Variants in VCAN observed in about 807,000 individuals in gnomAD.
VCAN encodes the protein versican, also known as versican core protein.
Under a neutral mutation model 245.5 loss-of-function variants are expected in VCAN, and 44 were observed. The observed-to-expected ratio is 0.18, with a 90% CI of 0.14 to 0.23. The LOEUF is 0.23. Ranked by LOEUF, VCAN falls within the 10% of genes least tolerant of loss-of-function variation. The probability of loss-of-function intolerance (pLI) is 1.00; values close to 1 mark genes in which losing one functional copy is unlikely to be tolerated. For missense variants in VCAN, 3,793 were observed against 4,057.9 expected, an observed-to-expected ratio of 0.93 and a Z score of 1.77; for synonymous variants, 1,413 against 1,437.0, an observed-to-expected ratio of 0.98 and a Z score of 0.38.
At chr5:83,504,969 A>G (rs1180009374) in intron 5 of VCAN, among the ~76,000 whole-genome samples, 1 of 151,952 alleles carries the variant, frequency 6.6e-6, no homozygotes, top group Non-Finnish European at 1.5e-5. Context: ...CCCCTGATAA[A>G]CCCATTAGAT....
chr5:83,491,741 A>G (rs568556939), intron 3 of VCAN, among the ~76,000 whole-genome samples: 1 of 152,314 alleles, frequency 6.6e-6, no homozygotes, highest in Non-Finnish European at 1.5e-5. Flanking sequence ...TCTTCAAATT[A>G]TTCCAGCAAC....
intron 1 of VCAN, among the ~76,000 whole-genome samples, chr5:83,480,852 G>A (rs1388595769): frequency 2.0e-5 from 3 of 152,140 alleles, no homozygotes; most frequent in African/African-American, 4.8e-5. Context: ...TTAGTGATAT[G>A]AAACTATGTT....
At chr5:83,568,070 A>C (rs1419182692) in intron 12 of VCAN, among the ~76,000 whole-genome samples, 1 of 152,222 alleles carries the variant, frequency 6.6e-6, no homozygotes, top group African/African-American at 2.4e-5. Context: ...TTCCCTGAGA[A>C]GGGATTTCTT....
chr5:83,523,742 G>C (rs1746188264), intron 7 of VCAN, among the ~76,000 whole-genome samples: 1 of 151,986 alleles, frequency 6.6e-6, no homozygotes, highest in Non-Finnish European at 1.5e-5. Flanking sequence ...TGATTTTCTT[G>C]CTAATGATAT....
chr5:83,554,779 A>C (rs1176223156), intron 11 of VCAN, among the ~76,000 whole-genome samples, 177 bp from the exon 12 acceptor site: 5 of 152,194 alleles, frequency 3.3e-5, no homozygotes, highest in Non-Finnish European at 7.3e-5. Context: ...TTTTCATTTA[A>C]AGCACATTGG....
chr5:83,505,614 C>T (rs576199826), intron 5 of VCAN, among the ~76,000 whole-genome samples: 8 of 152,300 alleles, frequency 5.3e-5, no homozygotes, highest in East Asian at 1.9e-4. Flanking sequence ...GCAGCTTTCC[C>T]GGGCACACAG....
chr5:83,555,865 G>A (rs912670978), intron 12 of VCAN, among the ~76,000 whole-genome samples: 1 of 152,112 alleles, frequency 6.6e-6, no homozygotes, highest in Admixed American at 6.6e-5. Context: ...GGGATCCACT[G>A]GGCTAGATAG....
chr5:83,537,699 A>G lies in VCAN; in HGVS notation c.4696A>G (p.Thr1566Ala), dbSNP rs1746780190. 1.2e-6 allele frequency: 2 copies of G among 1,613,864 alleles called. No individual in the cohort carries two copies. Among genetic ancestry groups the G allele is most frequent in the East Asian group, 2.2e-5 (1 of 44,874 alleles). ...TCAGAAAATAGCCTTTGCAAGGGCT[A>G]CAGAAGTAACATTTGGTGAAGAGGT... ...ESQKIAFARA[T>A]EVTFGEEVEK... The change falls in exon 8 of 15, where the codon ACA becomes GCA. Residue 1566 changes from threonine (T) to alanine (A), a missense_variant. Physicochemically the swap from Thr to Ala is moderately conservative, Grantham distance 58. This residue lies in a region of VCAN where 3,182 missense variants were observed against 3,250.3 expected (regional missense o/e 0.98). Coordinates refer to ENST00000265077, the MANE Select transcript of VCAN (RefSeq NM_004385.5).
At chr5:83,573,128 G>C (rs866261332) in intron 13 of VCAN, among the ~76,000 whole-genome samples, 1 of 151,988 alleles carries the variant, frequency 6.6e-6, no homozygotes, top group Non-Finnish European at 1.5e-5. Context: ...TCAATCTCTT[G>C]ACCTTGTAAT....
intron 12 of VCAN, among the ~76,000 whole-genome samples, chr5:83,567,227 AATT>A (rs1462045725): frequency 1.8e-4 from 28 of 152,126 alleles, no homozygotes; most frequent in Non-Finnish European, 3.1e-4. Flanking sequence ...GATATAAAAT[AATT>A]ATCTCTTAAT....
chr5:83,552,192 C>A (rs1023784940), intron 10 of VCAN, among the ~76,000 whole-genome samples: 1 of 152,120 alleles, frequency 6.6e-6, no homozygotes, highest in East Asian at 1.9e-4. Context: ...AGAGGAGTAA[C>A]AGGAATAAGA....
rs1007510729 is a variant in VCAN at position 83,541,029 on chromosome 5, G to T, written c.8026G>T (p.Ala2676Ser). The change falls in exon 8 of 15, where the codon GCT (alanine) becomes TCT (serine). Residue 2676 changes from alanine (A) to serine (S), a missense_variant. Coordinates refer to ENST00000265077, the MANE Select transcript of VCAN (RefSeq NM_004385.5). ...MGFHFTTGIP[A>S]PSTETELDVL... ...CTTTCACTTCACAACTGGGATCCCT[G>T]CTCCTAGCACAGAAACAGAATTAGA... 5 of 1,613,868 alleles carry T rather than the reference G, an allele frequency of 3.1e-6. No homozygotes were observed. In the African/African-American group the frequency reaches 6.7e-5, roughly 22 times the overall value.
chr5:83,537,553 A>G lies in VCAN; in HGVS notation c.4550A>G (p.Lys1517Arg). 1 of 1,613,868 alleles carries G rather than the reference A, an allele frequency of 6.2e-7. No individual in the cohort carries two copies. The highest frequency in any genetic ancestry group is 8.5e-7 in the Non-Finnish European group (1 of 1,179,916). ...GAATTTGAAAGTGGAACAGCCAAAAAAGGGGCAGAATCAGTCACAGAGAGA... is the reference window on the plus strand; with the variant it reads ...GAATTTGAAAGTGGAACAGCCAAAAGAGGGGCAGAATCAGTCACAGAGAGA... ...HEEFESGTAK[K>R]GAESVTERDT... is the part of the protein sequence containing the mutation. Residue 1517 changes from lysine to arginine, a missense_variant, in exon 8 of 15, where the codon AAA becomes AGA. Around this residue, in one of 5 missense-constraint regions of VCAN, gnomAD observed 3,182 missense variants for 3,250.3 expected, o/e 0.98. Transcript: ENST00000265077.
intron 12 of VCAN, among the ~76,000 whole-genome samples, chr5:83,561,734 AAG>A (rs1381644421): frequency 1.3e-4 from 20 of 152,302 alleles, no homozygotes; most frequent in Admixed American, 6.5e-4. Flanking sequence ...CTTACCCAGG[AAG>A]AGACACTTAA....
chr5:83,522,445 C>A, intron 7 of VCAN, 136 bp downstream of exon 7: 2 of 898,592 alleles, frequency 2.2e-6, no homozygotes, highest in South Asian at 1.6e-5. Flanking sequence ...AATGTTTTAG[C>A]TTCATATATT....
chr5:83,548,216 A>G, intron 10 of VCAN, 132 bp downstream of exon 10: 1 of 742,542 alleles, frequency 1.3e-6, no homozygotes, highest in Non-Finnish European at 2.4e-6. Context: ...GATAGCTCAA[A>G]ACATCTGAAT....
intron 7 of VCAN, among the ~76,000 whole-genome samples, chr5:83,529,023 CACAT>C (rs935220936): frequency 6.6e-6 from 1 of 150,640 alleles, no homozygotes; most frequent in Admixed American, 6.6e-5. Context: ...CACACACACA[CACAT>C]ATATGTATAC....
intron 13 of VCAN, among the ~76,000 whole-genome samples, chr5:83,577,443 G>T (rs309579): frequency 0.36 from 55,004 of 151,822 alleles, 10,110 homozygotes; most frequent in Admixed American, 0.44. Flanking sequence ...TCACAACTCG[G>T]GTCTGAGGAG....
intron 12 of VCAN, 34 bp from the exon 13 acceptor site, chr5:83,572,382 A>T: frequency 1.9e-6 from 3 of 1,613,554 alleles, no homozygotes; most frequent in Non-Finnish European, 2.5e-6. Flanking sequence ...CTTTTTGACT[A>T]GCAAGTAGTT....
Sources: allele counts gnomAD v4.1 joint callset (sites outside exome capture counted in the v4.1 genomes callset), GRCh38; gene constraint gnomAD v4.1.1; regional missense constraint gnomAD v4.1.1; transcripts MANE v1.5; gene names NCBI Gene and HGNC (gene_info 2026-07-23, HGNC 2026-07-21).